The following SAMD3 variants were observed in gnomAD, a reference collection of about 807,000 sequenced individuals.
The protein encoded by SAMD3 is sterile alpha motif domain containing 3, also known as sterile alpha motif domain-containing protein 3.
In SAMD3, 63 loss-of-function variants were observed where a neutral mutation model predicts 58.5. That is an observed-to-expected ratio of 1.08 (90% CI 0.88 to 1.33). The LOEUF (loss-of-function observed/expected upper bound fraction) is 1.33. SAMD3 is among the 40% of genes most tolerant of loss of function. The pLI, the probability that SAMD3 is intolerant of heterozygous loss-of-function variation, is 0.00. For missense variants in SAMD3, 604 were observed against 608.4 expected, an observed-to-expected ratio of 0.99 and a Z score of 0.08; for synonymous variants, 220 against 210.3, an observed-to-expected ratio of 1.05 and a Z score of -0.40.
chr6:130,290,775 T>A (rs779997637), intron 2 of SAMD3, among the ~76,000 whole-genome samples: 1 of 152,194 alleles, frequency 6.6e-6, no homozygotes, highest in Non-Finnish European at 1.5e-5. Flanking sequence ...CAGAATAAGA[T>A]AGTATGGAGT....
intron 1 of SAMD3, among the ~76,000 whole-genome samples, chr6:130,315,590 A>G (rs1776335003): frequency 6.6e-6 from 1 of 152,226 alleles, no homozygotes; most frequent in South Asian, 2.1e-4. Flanking sequence ...GAATAGAATC[A>G]TAGAAAAATA....
chr6:130,283,669 G>A (rs561576164), intron 2 of SAMD3, among the ~76,000 whole-genome samples: 29 of 152,216 alleles, frequency 1.9e-4, no homozygotes, highest in African/African-American at 6.7e-4. Flanking sequence ...CATTTGGGAA[G>A]GAGAGTTAAA....
intron 2 of SAMD3, among the ~76,000 whole-genome samples, chr6:130,298,889 C>T (rs1775656056): frequency 1.3e-5 from 2 of 152,166 alleles, no homozygotes; most frequent in African/African-American, 4.8e-5. Flanking sequence ...GACAGAAGGG[C>T]ATTATTTAAT....
At chr6:130,332,822 A>G (rs984774625) in intron 1 of SAMD3, among the ~76,000 whole-genome samples, 6 of 152,092 alleles carry the variant, frequency 3.9e-5, no homozygotes, top group African/African-American at 2.4e-5. Context: ...TGAAGGAGAG[A>G]TACTATAGCA....
intron 2 of SAMD3, among the ~76,000 whole-genome samples, chr6:130,248,606 C>T (rs143531693): frequency 1.3e-5 from 2 of 152,282 alleles, no homozygotes; most frequent in African/African-American, 4.8e-5. Context: ...GCCTGTCCAT[C>T]CCCTAGGTCC....
At chr6:130,265,209 C>G (rs977164685) in intron 2 of SAMD3, among the ~76,000 whole-genome samples, 1 of 152,156 alleles carries the variant, frequency 6.6e-6, no homozygotes, top group African/African-American at 2.4e-5. Flanking sequence ...ATCAGAGAGC[C>G]CAGTTGAACA....
chr6:130,178,221 G>A (rs905040358), intron 7 of SAMD3, among the ~76,000 whole-genome samples: 19 of 152,064 alleles, frequency 1.2e-4, no homozygotes, highest in East Asian at 3.9e-4. Context: ...GGTAATCTGC[G>A]CACCTCGGCA....
At chr6:130,299,453 G>A (rs1201719866) in intron 2 of SAMD3, among the ~76,000 whole-genome samples, 1 of 152,036 alleles carries the variant, frequency 6.6e-6, no homozygotes, top group Non-Finnish European at 1.5e-5. Flanking sequence ...AAATCTCTGG[G>A]ACATAATGAA....
intron 9 of SAMD3, among the ~76,000 whole-genome samples, chr6:130,154,223 G>A (rs1461735284): frequency 3.1e-5 from 4 of 130,472 alleles, no homozygotes; most frequent in Non-Finnish European, 6.3e-5. Flanking sequence ...ATCTGAATAT[G>A]CTACTGAAAT....
chr6:130,234,723 C>A (rs1441217750), intron 2 of SAMD3, among the ~76,000 whole-genome samples: 1 of 152,166 alleles, frequency 6.6e-6, no homozygotes, highest in African/African-American at 2.4e-5. Context: ...AATGGGTGAT[C>A]CATGCTCTAA....
At chr6:130,162,414 C>T in intron 8 of SAMD3, 1 of 567,946 alleles carries the variant, frequency 1.8e-6, no homozygotes, top group Non-Finnish European at 3.1e-6. Context: ...AAAAACTCAT[C>T]TTGACTTTTA....
At chr6:130,275,572 T>C (rs1774746631) in intron 2 of SAMD3, among the ~76,000 whole-genome samples, 2 of 152,098 alleles carry the variant, frequency 1.3e-5, no homozygotes, top group African/African-American at 4.8e-5. Context: ...TATATAGCAA[T>C]CTATTTATGA....
chr6:130,190,246 G>A (rs1793404395), intron 5 of SAMD3, among the ~76,000 whole-genome samples: 1 of 151,972 alleles, frequency 6.6e-6, no homozygotes, highest in Non-Finnish European at 1.5e-5. Context: ...ACGCTCTTTG[G>A]GCGAACACAA....
At chr6:130,308,699 T>C (rs990543) in intron 2 of SAMD3, among the ~76,000 whole-genome samples, 1 of 151,978 alleles carries the variant, frequency 6.6e-6, no homozygotes, top group African/African-American at 2.4e-5. Context: ...TTGACCCCAA[T>C]ATAGAAGTAA....
At chr6:130,323,201 C>T (rs1048834635) in intron 1 of SAMD3, among the ~76,000 whole-genome samples, 2 of 152,128 alleles carry the variant, frequency 1.3e-5, no homozygotes, top group African/African-American at 2.4e-5. Context: ...AACAGGACAA[C>T]GGATACCTCT....
chr6:130,218,351 G>T (rs150587531), intron 1 of SAMD3, among the ~76,000 whole-genome samples: 43 of 152,296 alleles, frequency 2.8e-4, no homozygotes, highest in African/African-American at 9.1e-4. Flanking sequence ...CTCTCAGTGC[G>T]CAGGCTGTCG....
intron 6 of SAMD3, 103 bp from the exon 7 acceptor site, chr6:130,184,290 T>C: frequency 8.3e-7 from 1 of 1,198,232 alleles, no homozygotes; most frequent in Admixed American, 2.5e-5. Flanking sequence ...TTTTTCTATA[T>C]AACAAAAAGA....
At chr6:130,308,302 C>T (rs777992313) in intron 2 of SAMD3, among the ~76,000 whole-genome samples, 23 of 151,744 alleles carry the variant, frequency 1.5e-4, no homozygotes, top group African/African-American at 4.9e-4. Context: ...TGGAGAGAGT[C>T]GAGGTCCTCA....
intron 7 of SAMD3, among the ~76,000 whole-genome samples, chr6:130,176,339 T>G (rs1023055827): frequency 1.3e-5 from 2 of 152,222 alleles, no homozygotes; most frequent in African/African-American, 2.4e-5. Flanking sequence ...TCCACTATAC[T>G]CTGTCTCCAC....
Sources: gnomAD v4.1 joint callset for allele counts (sites outside exome capture counted in the v4.1 genomes callset) on GRCh38, gnomAD v4.1.1 for gene constraint, MANE v1.5 for transcripts, NCBI Gene and HGNC (gene_info 2026-07-23, HGNC 2026-07-21) for gene names.